Variants in MYL1 observed in about 807,000 individuals in gnomAD.
The protein encoded by MYL1 is myosin light chain 1/3, skeletal muscle isoform.
MYL1 carries 16 observed loss-of-function variants against 21.8 expected under a neutral mutation model. That is an observed-to-expected ratio of 0.74 (90% CI 0.50 to 1.12). The LOEUF (loss-of-function observed/expected upper bound fraction) is 1.12. MYL1 is among the 50% of genes most tolerant of loss of function. The probability of loss-of-function intolerance (pLI) is 0.00; values close to 1 mark genes in which losing one functional copy is unlikely to be tolerated. For missense variants in MYL1, 246 were observed against 241.0 expected (o/e 1.02, Z -0.14); for synonymous variants, 99 against 85.2 (o/e 1.16, Z -0.89).
At chr2:210,302,827 A>G (rs1231694702) in intron 1 of MYL1, 7 of 1,552,316 alleles carry the variant, frequency 4.5e-6, no homozygotes, top group Non-Finnish European at 6.1e-6. Context: ...AAGAAAAAAA[A>G]CTAGTACTCT....
Position 210,302,564 on chromosome 2 carries a change from G to A in MYL1, c.133-49C>T, listed in dbSNP as rs768318410. On this transcript the variant is annotated intron_variant, in intron 1 of 6. Transcript: ENST00000352451. ...AAGAATGTTTTAACCAAACAAAAAT[G>A]TGCTGATTTTTAGTTGTATCCAGCT... is the stretch of plus-strand genomic sequence containing the variant. The A allele has an allele frequency of 3.2e-6, 5 of 1,584,876 alleles. No individual in the cohort carries two copies. In the East Asian group the frequency reaches 9.0e-5, roughly 28 times the overall value.
Position 210,291,108 on chromosome 2 carries a change from A to G in MYL1, c.557-34T>C, listed in dbSNP as rs1217912761. The G allele has an allele frequency of 3.2e-6, 5 of 1,572,548 alleles. No homozygotes were observed. The African/African-American group carries it at 6.8e-5, about 21-fold the overall frequency. ...GCAAAATAGACAAAATAGACAATTT[A>G]GAGTTAGGAAACAGTCAAATTTAAT... On this transcript the variant is annotated intron_variant, in intron 5 of 6. Coordinates refer to ENST00000352451, the MANE Select transcript of MYL1 (RefSeq NM_079420.3).
At chr2:210,308,870 A>ACTCTT (rs1553698675) in intron 1 of MYL1, among the ~76,000 whole-genome samples, 1 of 151,964 alleles carries the variant, frequency 6.6e-6, no homozygotes, top group East Asian at 1.9e-4. Flanking sequence ...GTTTTTGTTC[A>ACTCTT]TTATTTTAAA....
At position 210,304,507 on chromosome 2, in the gene MYL1, C is replaced by A. The variant is rs149411023; in HGVS notation, c.133-1992G>T. ...CCTAGACCAAGAAGCCAAAAGAATG[C>A]ATGGCAGAGCTTGTGGAATACAAAA... is the stretch of plus-strand genomic sequence containing the variant. On this transcript the variant is annotated intron_variant, in intron 1 of 6. Coordinates refer to ENST00000352451, the MANE Select transcript of MYL1 (RefSeq NM_079420.3). Among the ~76,000 whole-genome samples the A allele has an allele frequency of 3.1e-3, 472 of 152,210 alleles. 1 individual carries two copies. Among genetic ancestry groups the A allele is most frequent in the African/African-American group, 9.9e-3 (412 of 41,540 alleles).
At position 210,294,378 on chromosome 2, in the gene MYL1, A is replaced by G. The variant is rs1575701990; in HGVS notation, c.345T>C (p.Pro115=). ...AKKIEFEQFL[P]MMQAISNNKD... ...TGTTGTTGGAAATGGCTTGCATCAT[A>G]GGCAGAAATTGTTCAAACTCAATTT... The change falls in exon 4 of 7, where the codon CCT becomes CCC. Residue 115 remains proline (P), a synonymous_variant. Transcript: ENST00000352451. The G allele has an allele frequency of 6.2e-7, 1 of 1,614,036 alleles. No homozygotes were observed. Among genetic ancestry groups the G allele is most frequent in the Non-Finnish European group, 8.5e-7 (1 of 1,179,938 alleles).
chr2:210,295,876 C>T (rs1308828796), intron 3 of MYL1, among the ~76,000 whole-genome samples: 2 of 151,586 alleles, frequency 1.3e-5, no homozygotes, highest in Admixed American at 6.6e-5. Context: ...AGGGTTTGCC[C>T]TATTGCTTGC....
In MYL1 at chr2:210,315,047, T is replaced by C. The variant is rs752954497; in HGVS notation, c.-5A>G. 6.3e-7 allele frequency: 1 copy of C among 1,592,934 alleles called. No homozygotes were observed. The highest frequency in any genetic ancestry group is 1.2e-5 in the South Asian group (1 of 85,998). On this transcript the variant is annotated 5_prime_UTR_variant, in exon 1 of 7. Transcript: ENST00000352451. ...CACGTCTTTCTTTGGTGCCATTTTT[T>C]TTTTTAAAAGGGTGGGTTAAAAAGA...
chr2:210,301,225 T>A (rs1575704654), intron 2 of MYL1, among the ~76,000 whole-genome samples: 1 of 152,220 alleles, frequency 6.6e-6, no homozygotes, highest in South Asian at 2.1e-4. Context: ...TATGGTAGAA[T>A]CACCAACTGT....
intron 1 of MYL1, chr2:210,303,609 CCT>C: frequency 6.3e-7 from 1 of 1,595,420 alleles, no homozygotes; most frequent in East Asian, 2.3e-5. Context: ...TGCTCCGGTC[CCT>C]GAGTGGGGTC....
intron 1 of MYL1, among the ~76,000 whole-genome samples, chr2:210,314,217 A>T (rs1240173437): frequency 6.6e-6 from 1 of 152,208 alleles, no homozygotes. Flanking sequence ...CCATGTAAAT[A>T]ACAAATTTTA....
intron 6 of MYL1, among the ~76,000 whole-genome samples, chr2:210,290,810 T>A (rs982891602): frequency 2.6e-5 from 4 of 152,146 alleles, no homozygotes; most frequent in Non-Finnish European, 4.4e-5. Context: ...AGATAGAATT[T>A]ATGAATGGAA....
Position 210,308,855 on chromosome 2 carries a change from G to T in MYL1, c.132+6056C>A, listed in dbSNP as rs913271857. Among the ~76,000 whole-genome samples the T allele has an allele frequency of 3.1e-4, 17 of 54,478 alleles. No homozygotes were observed. The South Asian group carries it at 0.01, about 33-fold the overall frequency. The allele number at this position is 54,478 out of a possible 152,430, so 35.7% of individuals were successfully genotyped here. On this transcript the variant is annotated intron_variant, in intron 1 of 6. Coordinates refer to ENST00000352451, the MANE Select transcript of MYL1 (RefSeq NM_079420.3). ...TGCATGTAATTTCTTAAAAACCTAC[G>T]TTGTGTTTTTGTTCATTATTTTAAA...
intron 1 of MYL1, among the ~76,000 whole-genome samples, chr2:210,304,674 G>C (rs11904281): frequency 0.41 from 61,765 of 152,084 alleles, 12,632 homozygotes; most frequent in Admixed American, 0.5. Flanking sequence ...TCCTGAGTAG[G>C]TAGGACTGCA....
At chr2:210,291,011 A>G in intron 6 of MYL1, 21 bp downstream of exon 6, 2 of 1,525,882 alleles carry the variant, frequency 1.3e-6, no homozygotes, top group Non-Finnish European at 1.8e-6. Flanking sequence ...CTTAAATATT[A>G]AAGAGGGAAC....
Position 210,303,437 on chromosome 2 carries a change from T to C in MYL1, c.133-922A>G, listed in dbSNP as rs1050616405. 4.0e-6 allele frequency: 4 copies of C among 1,007,022 alleles called. No homozygotes were observed. In the African/African-American group the frequency reaches 5.3e-5, roughly 13 times the overall value. 62.4% of individuals were successfully genotyped at this position (1,007,022 alleles called of 1,614,324 possible). Reference sequence around the variant, plus strand: ...AGATACTAAAGACTCATATTGAATATGTTCTCTCCTCAGTTCCATTTTTGC... The same window carrying C: ...AGATACTAAAGACTCATATTGAATACGTTCTCTCCTCAGTTCCATTTTTGC... On this transcript the variant is annotated intron_variant, in intron 1 of 6. Transcript: ENST00000352451.
chr2:210,311,433 G>T (rs188593249), intron 1 of MYL1, among the ~76,000 whole-genome samples: 2 of 151,922 alleles, frequency 1.3e-5, no homozygotes, highest in Non-Finnish European at 2.9e-5. Context: ...TGCAAAATTC[G>T]TTATTTGATA....
At position 210,294,525 on chromosome 2, in the gene MYL1, A is replaced by T; in HGVS notation, c.305-107T>A. The T allele has an allele frequency of 2.9e-6, 3 of 1,036,398 alleles. No homozygotes were observed. The Admixed American group carries it at 7.6e-5, about 26-fold the overall frequency. 64.2% of individuals were successfully genotyped at this position (1,036,398 alleles called of 1,614,324 possible). A position where few individuals can be genotyped will look rare whatever the true frequency, so the allele number is the denominator to read the frequency against. On this transcript the variant is annotated intron_variant, in intron 3 of 6. Coordinates refer to ENST00000352451, the MANE Select transcript of MYL1 (RefSeq NM_079420.3). ...TAGGTTATCTGAAAAACCTTCACAC[A>T]GCTTAAATTTCAGCTGGTAAATTGC...
intron 3 of MYL1, 151 bp downstream of exon 3, chr2:210,298,269 A>G (rs1690206598): frequency 1.1e-6 from 1 of 899,120 alleles, no homozygotes; most frequent in Middle Eastern, 3.7e-4. Flanking sequence ...ACTGAGCCCT[A>G]TTATGTGAAA....
Position 210,314,820 on chromosome 2 carries a change from C to G in MYL1, c.132+91G>C, listed in dbSNP as rs1482468150. 4 of 1,401,914 alleles carry G rather than the reference C, an allele frequency of 2.9e-6. No individual in the cohort carries two copies. The African/African-American group carries it at 4.3e-5, about 15-fold the overall frequency. 86.8% of individuals were successfully genotyped at this position (1,401,914 alleles called of 1,614,324 possible). The stretch of plus-strand genomic sequence containing the variant: ...CAGCTCACTAAATAATGCTATTCCT[C>G]TCAATGAAAAATACACGCCTTTGCA... On this transcript the variant is annotated intron_variant, in intron 1 of 6. Coordinates refer to ENST00000352451, the MANE Select transcript of MYL1 (RefSeq NM_079420.3).
Sources: gnomAD v4.1 joint callset for allele counts (sites outside exome capture counted in the v4.1 genomes callset) on GRCh38, gnomAD v4.1.1 for gene constraint, MANE v1.5 for transcripts, NCBI Gene and HGNC (gene_info 2026-07-23, HGNC 2026-07-21) for gene names.